Variants in SIM2 observed in about 807,000 individuals in gnomAD.
The protein encoded by SIM2 is SIM bHLH transcription factor 2, also known as single-minded homolog 2.
Under a neutral mutation model 64.8 loss-of-function variants are expected in SIM2, and 28 were observed. The ratio of observed to expected loss-of-function variants is 0.43; its 90% CI spans 0.32 to 0.59. SIM2 has a LOEUF of 0.59. Among genes scored for constraint, SIM2 ranks in the 20% least tolerant of loss-of-function variants. The pLI is 0.07. For synonymous variants in SIM2, 408 were observed against 391.1 expected, an observed-to-expected ratio of 1.04 and a Z score of -0.51; for missense variants, 847 against 871.4, an observed-to-expected ratio of 0.97 and a Z score of 0.35.
intron 1 of SIM2, among the ~76,000 whole-genome samples, chr21:36,707,624 C>G (rs545692177): frequency 3.3e-5 from 5 of 151,416 alleles, no homozygotes; most frequent in Non-Finnish European, 7.4e-5. Context: ...TTTTAGTTGC[C>G]GAATAGGGAA....
At chr21:36,725,489 G>C (rs1004327973) in intron 5 of SIM2, among the ~76,000 whole-genome samples, 2 of 152,182 alleles carry the variant, frequency 1.3e-5, no homozygotes, top group Non-Finnish European at 1.5e-5. Flanking sequence ...GCCTCCCCCA[G>C]ATGCCTTTAT....
intron 7 of SIM2, among the ~76,000 whole-genome samples, chr21:36,736,635 G>A (rs149552562): frequency 2.8e-3 from 425 of 152,246 alleles, no homozygotes; most frequent in Non-Finnish European, 4.4e-3. Flanking sequence ...GCATGCGGGC[G>A]TCATGTCGGT....
chr21:36,747,924 G>T lies in SIM2; in HGVS notation c.1836G>T (p.Leu612=). ...YHRVLARRGP[L]GGAAPAASGL... ...GCGTGCTGGCCCGGCGCGGACCGCT[G>T]GGGGGCGCCGCACCCGCCGCCTCCG... The change falls in exon 11 of 11, where the codon CTG becomes CTT. Residue 612 remains leucine (L), a synonymous_variant. Coordinates refer to ENST00000290399, the MANE Select transcript of SIM2 (RefSeq NM_005069.6). The surrounding 1 kb of genome is among the most constrained non-coding windows in gnomAD (Gnocchi z 4.5). The T allele has an allele frequency of 3.9e-6, 4 of 1,038,574 alleles. No homozygotes were observed. The highest frequency in any genetic ancestry group is 4.6e-6 in the Non-Finnish European group (4 of 862,680). The allele number at this position is 1,038,574 out of a possible 1,614,324, so 64.3% of individuals were successfully genotyped here. A position where few individuals can be genotyped will look rare whatever the true frequency, so the allele number is the denominator to read the frequency against.
rs1004828397 is a variant in SIM2, at chr21:36,748,022, C to T, written c.1934C>T (p.Ala645Val). The T allele has an allele frequency of 3.1e-4, 364 of 1,173,680 alleles. 1 individual carries two copies. The African/African-American group carries it at 5.3e-3, about 17-fold the overall frequency. The allele number at this position is 1,173,680 out of a possible 1,614,324, so 72.7% of individuals were successfully genotyped here. A position where few individuals can be genotyped will look rare whatever the true frequency, so the allele number is the denominator to read the frequency against. The change falls in exon 11 of 11, where the codon GCC becomes GTC. Residue 645 changes from alanine to valine, a missense_variant. Ala to Val is a moderately conservative substitution (Grantham distance 64, BLOSUM62 0). Coordinates refer to ENST00000290399, the MANE Select transcript of SIM2 (RefSeq NM_005069.6). ...ALRLRHPSPA[A>V]TSPPGAPLPH... The stretch of plus-strand genomic sequence containing the variant: ...CGGCTCCGGCACCCGAGCCCCGCCG[C>T]CACCTCCCCGCCCGGCGCGCCCCTG...
intron 6 of SIM2, among the ~76,000 whole-genome samples, chr21:36,728,206 G>A (rs2850100): frequency 0.058 from 8,785 of 152,284 alleles, 705 homozygotes; most frequent in African/African-American, 0.18. Flanking sequence ...GCTGCCCAAA[G>A]TCATTATCAG....
intron 7 of SIM2, among the ~76,000 whole-genome samples, chr21:36,737,973 A>AAAAAAAAAAAAAAAAAAAAAAAC (rs1555877008): frequency 8.3e-6 from 1 of 120,242 alleles, no homozygotes; most frequent in Non-Finnish European, 2.0e-5. Context: ...AAAAAAAAAA[A>AAAAAAAAAAAAAAAAAAAAAAAC]AAAAAAAAAG....
At chr21:36,737,886 C>T (rs563948611) in intron 7 of SIM2, among the ~76,000 whole-genome samples, 2 of 138,226 alleles carry the variant, frequency 1.4e-5, no homozygotes, top group East Asian at 4.2e-4. Flanking sequence ...CTCTTGAACC[C>T]AGGAGACGGA....
At chr21:36,741,886 C>G in intron 8 of SIM2, 22 bp downstream of exon 8, 1 of 1,532,778 alleles carries the variant, frequency 6.5e-7, no homozygotes, top group Non-Finnish European at 8.8e-7. Flanking sequence ...GTATTTGTTT[C>G]TCTCCTTGCT....
In SIM2 at chr21:36,726,239, A is replaced by C; in HGVS notation, c.664A>C (p.Ile222Leu). Reference protein sequence around the residue: ...AVGQSLPPSAITEIKLYSNMF... With the variant: ...AVGQSLPPSALTEIKLYSNMF... ...GGGCCAGTCGCTGCCACCCAGTGCC[A>C]TCACCGAGATCAAGCTGTACAGTAA... Residue 222 changes from isoleucine to leucine, a missense_variant, in exon 6 of 11, where the codon ATC (isoleucine) becomes CTC (leucine). By Grantham distance (5) the Ile-to-Leu change is conservative. Around this residue, in one of 3 missense-constraint regions of SIM2, gnomAD observed 397 missense variants for 439.2 expected, o/e 0.90. Coordinates refer to ENST00000290399, the MANE Select transcript of SIM2 (RefSeq NM_005069.6). The surrounding 1 kb of genome is among the most constrained non-coding windows in gnomAD (Gnocchi z 4.5). 1 of 1,613,844 alleles carries C rather than the reference A, an allele frequency of 6.2e-7. No individual in the cohort carries two copies. Among genetic ancestry groups the C allele is most frequent in the Middle Eastern group, 1.6e-4 (1 of 6,062 alleles).
intron 4 of SIM2, among the ~76,000 whole-genome samples, chr21:36,722,834 G>C (rs2088841712): frequency 6.6e-6 from 1 of 152,156 alleles, no homozygotes; most frequent in Non-Finnish European, 1.5e-5. Flanking sequence ...CCTTCCTTTA[G>C]AGCCAAGGAA....
chr21:36,734,763 C>T (rs923943261), intron 7 of SIM2, among the ~76,000 whole-genome samples: 2 of 152,216 alleles, frequency 1.3e-5, no homozygotes, highest in Non-Finnish European at 2.9e-5. Flanking sequence ...AACTCCCAAG[C>T]AGGGTCTTCA....
chr21:36,738,568 C>G (rs2089107253), intron 7 of SIM2, among the ~76,000 whole-genome samples: 1 of 152,178 alleles, frequency 6.6e-6, no homozygotes, highest in Non-Finnish European at 1.5e-5. Context: ...CTATAGAGAA[C>G]TTTCCAGAGG....
chr21:36,720,171 T>C lies in SIM2; in HGVS notation c.457+242T>C, dbSNP rs1191382124. On this transcript the variant is annotated intron_variant, in intron 4 of 10. Coordinates refer to ENST00000290399, the MANE Select transcript of SIM2 (RefSeq NM_005069.6). ...GCCAGAACCCGTGTTGAGTGCTAGG[T>C]AGAGGACAAAAGTGGTGCAAGCCTG... 2.2e-5 allele frequency: 11 copies of C among 502,830 alleles called. No individual in the cohort carries two copies. The South Asian group carries it at 2.5e-4, about 11-fold the overall frequency. The allele number at this position is 502,830 out of a possible 1,614,324, so 31.1% of individuals were successfully genotyped here.
At chr21:36,730,102 C>T (rs1041123863) in intron 6 of SIM2, among the ~76,000 whole-genome samples, 3 of 152,148 alleles carry the variant, frequency 2.0e-5, no homozygotes, top group South Asian at 2.1e-4. Context: ...CCAGTTATTC[C>T]GTAATTCCCA....
At position 36,745,811 on chromosome 21, in the gene SIM2, T is replaced by C; in HGVS notation, c.1576+675T>C. On this transcript the variant is annotated intron_variant, in intron 10 of 10. Coordinates refer to ENST00000290399, the MANE Select transcript of SIM2 (RefSeq NM_005069.6). This position sits in a 1 kb window ranked among gnomAD's most constrained non-coding sequence, Gnocchi z 4.8. ...TGGTGGCAGGCAAGCAGATGTCCTC[T>C]GCGGAGATACCGCCAGCTCCCCAGG... 1 of 1,304,052 alleles carries C rather than the reference T, an allele frequency of 7.7e-7. No homozygotes were observed. Among genetic ancestry groups the C allele is most frequent in the Non-Finnish European group, 1.0e-6 (1 of 988,804 alleles). The allele number at this position is 1,304,052 out of a possible 1,614,324, so 80.8% of individuals were successfully genotyped here. A position where few individuals can be genotyped will look rare whatever the true frequency, so the allele number is the denominator to read the frequency against.
At chr21:36,727,177 G>A (rs2088903716) in intron 6 of SIM2, among the ~76,000 whole-genome samples, 1 of 152,114 alleles carries the variant, frequency 6.6e-6, no homozygotes, top group Admixed American at 6.5e-5. Flanking sequence ...TGGGATTCCA[G>A]GCACCCACCA....
intron 4 of SIM2, chr21:36,720,642 A>G (rs1601695913): frequency 6.6e-6 from 1 of 152,308 alleles, no homozygotes; most frequent in African/African-American, 2.4e-5. Flanking sequence ...CTTTTTTGGT[A>G]ATCTTATATA....
In SIM2 at chr21:36,744,749, G is replaced by A. The variant is rs1353515472; in HGVS notation, c.1189G>A (p.Asp397Asn). Residue 397 changes from aspartate (D) to asparagine (N), a missense_variant, in exon 10 of 11, where the codon GAC (aspartate) becomes AAC (asparagine). Around this residue, in one of 3 missense-constraint regions of SIM2, gnomAD observed 447 missense variants for 414.6 expected, o/e 1.08. Coordinates refer to ENST00000290399, the MANE Select transcript of SIM2 (RefSeq NM_005069.6). ...GCAGCAATACAGCTCGTTCCAAATG[G>A]ACAAACTGGAATGCGGCCAGCTCGG... ...PPQQYSSFQM[D>N]KLECGQLGNW... The A allele has an allele frequency of 1.2e-6, 2 of 1,607,738 alleles. No homozygotes were observed. Among genetic ancestry groups the A allele is most frequent in the East Asian group, 2.2e-5 (1 of 44,682 alleles).
In SIM2 at chr21:36,741,842, G is replaced by A. The variant is rs748137714; in HGVS notation, c.976G>A (p.Val326Met). 24 of 1,600,100 alleles carry A rather than the reference G, an allele frequency of 1.5e-5. No individual in the cohort carries two copies. The highest frequency in any genetic ancestry group is 1.9e-5 in the Non-Finnish European group (22 of 1,173,620). Residue 326 changes from valine (V) to methionine (M), a missense_variant, in exon 8 of 11, where the codon GTG becomes ATG. This residue lies in a region of SIM2 where 397 missense variants were observed against 439.2 expected (regional missense o/e 0.90). Coordinates refer to ENST00000290399, the MANE Select transcript of SIM2 (RefSeq NM_005069.6). ...NSRSSRPHCI[V>M]SVNYVLTEIE... is the part of the protein sequence containing the mutation. ...CCGCTCGTCCCGGCCCCACTGCATC[G>A]TGAGTGTCAATTATGTACTCACGTA...
Sources: gnomAD v4.1 joint callset for allele counts (sites outside exome capture counted in the v4.1 genomes callset) on GRCh38, gnomAD v4.1.1 for gene constraint, gnomAD v4.1.1 regional missense constraint, Gnocchi (gnomAD v3.1) non-coding constraint, MANE v1.5 for transcripts, NCBI Gene and HGNC (gene_info 2026-07-23, HGNC 2026-07-21) for gene names.